Variants in NRXN1 observed in about 807,000 individuals in gnomAD.
NRXN1 encodes the protein neurexin-1.
A neutral mutation model predicts 150.9 loss-of-function variants in NRXN1; 39 were observed. The observed-to-expected ratio is 0.26, with a 90% CI of 0.20 to 0.34. The LOEUF (loss-of-function observed/expected upper bound fraction) is 0.34. Ranked by LOEUF, NRXN1 falls within the 10% of genes least tolerant of loss-of-function variation. The pLI, the probability that NRXN1 is intolerant of heterozygous loss-of-function variation, is 1.00. For missense variants in NRXN1, 1,815 were observed against 1,949.9 expected, an observed-to-expected ratio of 0.93 and a Z score of 1.30; for synonymous variants, 924 against 757.0, an observed-to-expected ratio of 1.22 and a Z score of -3.62.
chr2:50,852,071 T>C (rs752129136), intron 5 of NRXN1, among the ~76,000 whole-genome samples: 4 of 152,258 alleles, frequency 2.6e-5, no homozygotes, highest in East Asian at 1.9e-4. Context: ...GAAGGCCAGA[T>C]GGTTGTTGCC....
intron 17 of NRXN1, among the ~76,000 whole-genome samples, chr2:50,287,841 G>A (rs577447721): frequency 6.6e-6 from 1 of 152,178 alleles, no homozygotes; most frequent in African/African-American, 2.4e-5. Flanking sequence ...ATATTACTTA[G>A]TATGTATTAA....
At chr2:50,974,641 C>T (rs530659970) in intron 2 of NRXN1, among the ~76,000 whole-genome samples, 10 of 152,104 alleles carry the variant, frequency 6.6e-5, no homozygotes, top group African/African-American at 2.4e-4. Context: ...CTTACTAAGG[C>T]CCTCAATGTA....
At chr2:50,505,124 C>A (rs746582340) in intron 13 of NRXN1, among the ~76,000 whole-genome samples, 2 of 152,062 alleles carry the variant, frequency 1.3e-5, no homozygotes, top group African/African-American at 2.4e-5. Flanking sequence ...CTTATAATAT[C>A]ATGCATTGTC....
intron 21 of NRXN1, chr2:50,023,740 G>A (rs912672985): frequency 6.6e-5 from 10 of 152,104 alleles, no homozygotes; most frequent in African/African-American, 2.4e-4. Flanking sequence ...ATTTAAGTAT[G>A]TAAGTACCAA....
intron 2 of NRXN1, among the ~76,000 whole-genome samples, chr2:51,008,047 T>G (rs994862024): frequency 3.3e-5 from 5 of 151,922 alleles, no homozygotes; most frequent in Non-Finnish European, 7.4e-5. Flanking sequence ...ATGCTGAGAT[T>G]TGCCTACAGT....
chr2:50,837,825 A>G (rs1203349097), intron 5 of NRXN1, among the ~76,000 whole-genome samples: 3 of 152,170 alleles, frequency 2.0e-5, no homozygotes, highest in Non-Finnish European at 2.9e-5. Flanking sequence ...TACAAAAATA[A>G]CAATTTAGTT....
In NRXN1 at chr2:50,053,544, G is replaced by A. The variant is rs55776596; in HGVS notation, c.3855C>T (p.Gly1285=). Reference sequence around the variant, plus strand: ...GGAAGGGCTGGCCCTGCTCTTTCCCGCCAATTATTATGGTTGCTTGGCTAT... The same window carrying A: ...GGAAGGGCTGGCCCTGCTCTTTCCCACCAATTATTATGGTTGCTTGGCTAT... ...IFNSQATIII[G]GKEQGQPFQG... Residue 1285 remains glycine, a synonymous_variant, in exon 21 of 23, where the codon GGC becomes GGT. Coordinates refer to ENST00000401669, the MANE Select transcript of NRXN1 (RefSeq NM_001330078.2). 2.4e-5 allele frequency: 39 copies of A among 1,613,888 alleles called. No individual in the cohort carries two copies. The highest frequency in any genetic ancestry group is 1.7e-4 in the Admixed American group (10 of 59,980).
chr2:50,950,781 A>G (rs1210156835), intron 2 of NRXN1, among the ~76,000 whole-genome samples: 4 of 152,232 alleles, frequency 2.6e-5, no homozygotes, highest in Non-Finnish European at 5.9e-5. Flanking sequence ...GTCCATGCTA[A>G]TAACTTTTTA....
chr2:49,975,610 ATGT>A (rs1329547761), intron 21 of NRXN1, among the ~76,000 whole-genome samples: 10 of 152,210 alleles, frequency 6.6e-5, no homozygotes, highest in African/African-American at 1.4e-4. Flanking sequence ...TTTAAAATAG[ATGT>A]TGTCATGTGT....
intron 17 of NRXN1, among the ~76,000 whole-genome samples, chr2:50,355,934 C>A (rs1425331237): frequency 6.6e-6 from 1 of 151,970 alleles, no homozygotes; most frequent in Non-Finnish European, 1.5e-5. Context: ...TTTTTATTAT[C>A]TAAAATATAT....
At chr2:50,725,554 A>T (rs893859459) in intron 5 of NRXN1, among the ~76,000 whole-genome samples, 3 of 152,200 alleles carry the variant, frequency 2.0e-5, no homozygotes, top group African/African-American at 7.2e-5. Context: ...CACTACTATT[A>T]TCACGGTGTT....
chr2:50,026,349 A>G (rs905632696), intron 21 of NRXN1, among the ~76,000 whole-genome samples: 33 of 152,200 alleles, frequency 2.2e-4, no homozygotes, highest in African/African-American at 7.7e-4. Flanking sequence ...GGTTTGCTAC[A>G]ATGGTCTGGA....
chr2:50,657,347 C>G (rs1412427286), intron 5 of NRXN1, among the ~76,000 whole-genome samples: 1 of 152,044 alleles, frequency 6.6e-6, no homozygotes, highest in African/African-American at 2.4e-5. Context: ...GGTCCACTAC[C>G]ACCTACACCT....
intron 2 of NRXN1, among the ~76,000 whole-genome samples, chr2:50,978,382 A>T (rs1477328351): frequency 2.0e-5 from 3 of 147,906 alleles, no homozygotes; most frequent in Non-Finnish European, 1.5e-5. Flanking sequence ...TCAATTCTTA[A>T]TAACAACAAA....
intron 21 of NRXN1, among the ~76,000 whole-genome samples, chr2:50,005,389 G>A (rs1363243534): frequency 1.3e-5 from 2 of 152,120 alleles, no homozygotes; most frequent in African/African-American, 2.4e-5. Flanking sequence ...AAGACAACTT[G>A]CTCCAATTCT....
At chr2:50,016,911 TTAA>T (rs1211949414) in intron 21 of NRXN1, among the ~76,000 whole-genome samples, 1 of 152,156 alleles carries the variant, frequency 6.6e-6, no homozygotes, top group Non-Finnish European at 1.5e-5. Flanking sequence ...ACTTCCAGAC[TTAA>T]TAACTGGTAG....
intron 5 of NRXN1, among the ~76,000 whole-genome samples, chr2:50,885,822 C>CACACACACAA (rs1351885672): frequency 1.4e-5 from 2 of 142,214 alleles, no homozygotes; most frequent in Non-Finnish European, 3.1e-5. Context: ...TTTCTATAAA[C>CACACACACAA]ACACACACAC....
intron 18 of NRXN1, among the ~76,000 whole-genome samples, chr2:50,214,291 G>A (rs1346713163): frequency 2.0e-5 from 3 of 151,962 alleles, no homozygotes; most frequent in East Asian, 3.9e-4. Context: ...AACATATCCA[G>A]TAATTGTCCC....
chr2:50,943,460 C>CTTTCTAAGAACATTTCTA (rs1689816554), intron 2 of NRXN1, among the ~76,000 whole-genome samples: 1 of 152,168 alleles, frequency 6.6e-6, no homozygotes, highest in African/African-American at 2.4e-5. Flanking sequence ...ACAAGACATA[C>CTTTCTAAGAACATTTCTA]TTTCTAAGAA....
Sources: allele counts gnomAD v4.1 joint callset (sites outside exome capture counted in the v4.1 genomes callset), GRCh38; gene constraint gnomAD v4.1.1; transcripts MANE v1.5; gene names NCBI Gene and HGNC (gene_info 2026-07-23, HGNC 2026-07-21).